DNAJA2: variants seen among roughly 807,000 people sequenced by gnomAD.
DNAJA2 encodes the protein DnaJ heat shock protein family (Hsp40) member A2.
In DNAJA2, 6 loss-of-function variants were observed where a neutral mutation model predicts 49.3. That is an observed-to-expected ratio of 0.12 (90% CI 0.07 to 0.24). DNAJA2 has a LOEUF of 0.24. DNAJA2 is among the 10% of genes least tolerant of loss of function. DNAJA2 has a pLI of 1.00. For synonymous variants in DNAJA2, 160 were observed against 172.7 expected (o/e 0.93, Z 0.58); for missense variants, 347 against 516.8 (o/e 0.67, Z 3.19).
chr16:46,970,285 C>A (rs986713720), intron 3 of DNAJA2, among the ~76,000 whole-genome samples: 1 of 152,188 alleles, frequency 6.6e-6, no homozygotes, highest in Non-Finnish European at 1.5e-5. Context: ...CATGTGTTGG[C>A]AGGTTAAGGT....
At chr16:46,967,446 A>C in intron 5 of DNAJA2, 67 bp downstream of exon 5, 2 of 1,593,866 alleles carry the variant, frequency 1.3e-6, no homozygotes, top group Non-Finnish European at 1.7e-6. Context: ...AAAAATTGTA[A>C]ACCTCTCCAA....
At chr16:46,973,003 G>A (rs1363751525) in intron 1 of DNAJA2, 1 of 152,042 alleles carries the variant, frequency 6.6e-6, no homozygotes, top group Admixed American at 6.6e-5. Context: ...TCCGCCCGAG[G>A]CGCTCTGTGG....
In DNAJA2 at chr16:46,959,256, G is replaced by C. The variant is rs370920569; in HGVS notation, c.919+19C>G. On this transcript the variant is annotated intron_variant, in intron 7 of 8. Coordinates refer to ENST00000317089, the MANE Select transcript of DNAJA2 (RefSeq NM_005880.4). The stretch of plus-strand genomic sequence containing the variant: ...TCAAAAATACTTGAAAACCAGAATC[G>C]GACAAAATCAAGATTTACCTGGTTC... The C allele has an allele frequency of 6.3e-7, 1 of 1,596,354 alleles. No individual in the cohort carries two copies. The highest frequency in any genetic ancestry group is 8.5e-7 in the Non-Finnish European group (1 of 1,172,066).
At chr16:46,970,094 T>C (rs1040063670) in intron 3 of DNAJA2, among the ~76,000 whole-genome samples, 1 of 152,200 alleles carries the variant, frequency 6.6e-6, no homozygotes, top group Non-Finnish European at 1.5e-5. Context: ...TAGGATATTA[T>C]GAAATATTTT....
intron 6 of DNAJA2, among the ~76,000 whole-genome samples, chr16:46,963,020 T>C (rs929510781): frequency 1.3e-5 from 2 of 152,210 alleles, no homozygotes; most frequent in Admixed American, 1.3e-4. Flanking sequence ...ATATAACCTT[T>C]AAATTATAAA....
chr16:46,955,710 A>T lies in DNAJA2; in HGVS notation c.*1319T>A, dbSNP rs1261950974. ...GTTTTCCCCATTTGTTCCTTTATAA[A>T]TGTAAAATTGTGCATCTGATGTCTC... is the stretch of plus-strand genomic sequence containing the variant. On this transcript the variant is annotated 3_prime_UTR_variant, in exon 9 of 9. Transcript: ENST00000317089. 1 of 152,186 alleles carries T rather than the reference A, an allele frequency of 6.6e-6. No homozygotes were observed. The highest frequency in any genetic ancestry group is 1.5e-5 in the Non-Finnish European group (1 of 68,024). 9.4% of individuals were successfully genotyped at this position (152,186 alleles called of 1,614,324 possible).
intron 1 of DNAJA2, among the ~76,000 whole-genome samples, 197 bp downstream of exon 1, chr16:46,973,298 G>A (rs1962083739): frequency 1.3e-5 from 2 of 151,224 alleles, no homozygotes; most frequent in Admixed American, 6.6e-5. Flanking sequence ...CGGGGCCGGC[G>A]GCCCCAAGGT....
chr16:46,958,890 G>T, intron 8 of DNAJA2, 113 bp downstream of exon 8: 1 of 1,223,634 alleles, frequency 8.2e-7, no homozygotes, highest in Non-Finnish European at 1.1e-6. Context: ...GCTGCAGTGA[G>T]CCACGATCAC....
At chr16:46,964,067 G>A (rs1019339887) in intron 6 of DNAJA2, among the ~76,000 whole-genome samples, 1 of 151,932 alleles carries the variant, frequency 6.6e-6, no homozygotes, top group African/African-American at 2.4e-5. Flanking sequence ...GCAAGACTCC[G>A]TCACACACAC....
Position 46,957,083 on chromosome 16 carries a change from A to G in DNAJA2, c.1185T>C (p.Ser395=), listed in dbSNP as rs774703657. The G allele has an allele frequency of 6.2e-7, 1 of 1,614,190 alleles. No individual in the cohort carries two copies. The highest frequency in any genetic ancestry group is 8.5e-7 in the Non-Finnish European group (1 of 1,180,036). ...GQRREAYNDS[S]DEESSSHHGP... ...CATGATGGCTGCTGCTTTCTTCATC[A>G]GAGCTATCATTATAGGCTTCACGCC... is the stretch of plus-strand genomic sequence containing the variant. The change falls in exon 9 of 9, where the codon TCT becomes TCC. Residue 395 remains serine (S), a synonymous_variant. Transcript: ENST00000317089.
chr16:46,971,742 A>G (rs1962053014), intron 2 of DNAJA2, 154 bp downstream of exon 2: 1 of 873,394 alleles, frequency 1.1e-6, no homozygotes, highest in Non-Finnish European at 1.8e-6. Context: ...GAATGGTAGT[A>G]CTCTTATTCT....
intron 8 of DNAJA2, chr16:46,958,429 TG>T (rs952908873): frequency 1.3e-5 from 2 of 151,686 alleles, no homozygotes; most frequent in Non-Finnish European, 2.9e-5. Context: ...CGGGGCGTGG[TG>T]GCGGGTGCCT....
chr16:46,971,881 G>A lies in DNAJA2; in HGVS notation c.138+15C>T, dbSNP rs952579910. 12 of 1,603,460 alleles carry A rather than the reference G, an allele frequency of 7.5e-6. No homozygotes were observed. The highest frequency in any genetic ancestry group is 2.2e-5 in the East Asian group (1 of 44,804). ...AGCTAAAACCCCCGGAATAAAAAAG[G>A]TGCAAATAACTTACTTTGTCTCCTG... On this transcript the variant is annotated intron_variant, in intron 2 of 8. Transcript: ENST00000317089.
chr16:46,959,252 A>C lies in DNAJA2; in HGVS notation c.919+23T>G, dbSNP rs768134317. On this transcript the variant is annotated intron_variant, in intron 7 of 8. Transcript: ENST00000317089. ...TTTTTCAAAAATACTTGAAAACCAG[A>C]ATCGGACAAAATCAAGATTTACCTG... is the stretch of plus-strand genomic sequence containing the variant. The C allele has an allele frequency of 6.3e-6, 10 of 1,595,894 alleles. No homozygotes were observed. The East Asian group carries it at 2.2e-4, about 36-fold the overall frequency.
chr16:46,970,287 G>C (rs1345654942), intron 3 of DNAJA2, among the ~76,000 whole-genome samples: 2 of 152,214 alleles, frequency 1.3e-5, no homozygotes, highest in East Asian at 3.8e-4. Context: ...TGTGTTGGCA[G>C]GTTAAGGTCA....
intron 1 of DNAJA2, 32 bp from the exon 2 acceptor site, chr16:46,971,987 T>C (rs773196283): frequency 3.4e-6 from 5 of 1,469,804 alleles, no homozygotes; most frequent in South Asian, 1.1e-5. Flanking sequence ...AAAAAGGTTA[T>C]AACTAAACAC....
At chr16:46,959,240 C>A in intron 7 of DNAJA2, 35 bp downstream of exon 7, 1 of 1,583,552 alleles carries the variant, frequency 6.3e-7, no homozygotes, top group Non-Finnish European at 8.6e-7. Context: ...TTCAAAAATA[C>A]TTGAAAACCA....
chr16:46,968,310 A>G (rs1962002671), intron 3 of DNAJA2, 146 bp from the exon 4 acceptor site: 1 of 575,328 alleles, frequency 1.7e-6, no homozygotes, highest in South Asian at 2.3e-5. Flanking sequence ...AATCAATTAA[A>G]CTGAGGCTTA....
intron 4 of DNAJA2, 89 bp from the exon 5 acceptor site, chr16:46,967,735 TC>T (rs1961992743): frequency 2.6e-6 from 4 of 1,522,368 alleles, no homozygotes; most frequent in Non-Finnish European, 3.6e-6. Context: ...TTTACCTTCA[TC>T]TTCAACCCCA....
Sources: allele counts gnomAD v4.1 joint callset (sites outside exome capture counted in the v4.1 genomes callset), GRCh38; gene constraint gnomAD v4.1.1; transcripts MANE v1.5; gene names NCBI Gene and HGNC (gene_info 2026-07-23, HGNC 2026-07-21).